The following IDH1 variants were observed in gnomAD, a reference collection of about 807,000 sequenced individuals.
IDH1 encodes the protein isocitrate dehydrogenase [NADP] cytoplasmic.
IDH1 carries 33 observed loss-of-function variants against 46.1 expected under a neutral mutation model. That is an observed-to-expected ratio of 0.72 (90% CI 0.54 to 0.96). The LOEUF (loss-of-function observed/expected upper bound fraction) is 0.96, where lower values mean the gene tolerates loss of function less well. IDH1 is among the 40% of genes least tolerant of loss of function. The pLI, the probability that IDH1 is intolerant of heterozygous loss-of-function variation, is 0.00. For missense variants in IDH1, 421 were observed against 515.7 expected (o/e 0.82, Z 1.78); for synonymous variants, 144 against 172.8 (o/e 0.83, Z 1.31).
At chr2:208,251,706 T>TA in intron 2 of IDH1, 139 bp from the exon 3 acceptor site, 1 of 673,526 alleles carries the variant, frequency 1.5e-6, no homozygotes, top group South Asian at 1.8e-5. Context: ...TGTAGTTGAA[T>TA]AAAAAGCTAG....
chr2:208,248,034 G>A (rs2124861773), intron 4 of IDH1: 2 of 329,794 alleles, frequency 6.1e-6, no homozygotes, highest in South Asian at 6.4e-5. Flanking sequence ...TGTGCAGCCA[G>A]TGTTGAAAAC....
chr2:208,244,653 G>A (rs1422037621), intron 5 of IDH1, among the ~76,000 whole-genome samples: 1 of 152,212 alleles, frequency 6.6e-6, no homozygotes, highest in Non-Finnish European at 1.5e-5. Flanking sequence ...AGGTGCTGAA[G>A]CCTGCAGAAC....
Position 208,236,439 on chromosome 2 carries a change from G to C in IDH1, c.*640C>G, listed in dbSNP as rs16841606. On this transcript the variant is annotated 3_prime_UTR_variant, in exon 10 of 10. Coordinates refer to ENST00000345146, the MANE Select transcript of IDH1 (RefSeq NM_005896.4). ...TCAGGCCAGGCCAGGAGGAGAAAGAGAAAAATGGAGAGGACAAACCTCCAG... is the reference window on the plus strand; with the variant it reads ...TCAGGCCAGGCCAGGAGGAGAAAGACAAAAATGGAGAGGACAAACCTCCAG... The C allele has an allele frequency of 2.2e-3, 522 of 232,146 alleles. 3 individuals are homozygous for C. The highest frequency in any genetic ancestry group is 0.01 in the African/African-American group (470 of 45,362). The allele number at this position is 232,146 out of a possible 1,614,324, so 14.4% of individuals were successfully genotyped here. A position where few individuals can be genotyped will look rare whatever the true frequency, so the allele number is the denominator to read the frequency against.
intron 5 of IDH1, among the ~76,000 whole-genome samples, chr2:208,244,266 G>A (rs964668002): frequency 1.3e-5 from 2 of 152,212 alleles, no homozygotes; most frequent in Non-Finnish European, 2.9e-5. Context: ...GTTGGAGCCA[G>A]GCTTGTACAG....
At chr2:208,239,725 C>A in intron 8 of IDH1, 138 bp downstream of exon 8, 1 of 831,426 alleles carries the variant, frequency 1.2e-6, no homozygotes, top group South Asian at 1.4e-5. Context: ...GAAGCATATT[C>A]AAATAGATCT....
chr2:208,241,803 C>T (rs561052706), intron 7 of IDH1, among the ~76,000 whole-genome samples, 191 bp downstream of exon 7: 21 of 152,334 alleles, frequency 1.4e-4, no homozygotes, highest in Admixed American at 1.3e-3. Context: ...CACTAATTTA[C>T]TTCCCATGTG....
At chr2:208,245,772 G>A (rs1244013017) in intron 4 of IDH1, among the ~76,000 whole-genome samples, 1 of 118,224 alleles carries the variant, frequency 8.5e-6, no homozygotes, top group African/African-American at 3.2e-5. Context: ...CCAAAAGAGG[G>A]TATTAGACCC....
In IDH1 at chr2:208,243,578, A is replaced by G. The variant is rs757031960; in HGVS notation, c.547T>C (p.Tyr183His). The G allele has an allele frequency of 6.2e-7, 1 of 1,613,962 alleles. No individual in the cohort carries two copies. The highest frequency in any genetic ancestry group is 8.5e-7 in the Non-Finnish European group (1 of 1,179,850). ...TCTTCAATTGACTTATCTTGATTAT[A>G]CATCCCCATGGCAACACCACCACCT... ...EEGGGVAMGM[Y>H]NQDKSIEDFA... Residue 183 changes from tyrosine to histidine, a missense_variant, in exon 6 of 10, where the codon TAT becomes CAT. Transcript: ENST00000345146.
chr2:208,247,563 G>A (rs936071294), intron 4 of IDH1: 2 of 152,338 alleles, frequency 1.3e-5, no homozygotes, highest in African/African-American at 4.8e-5. Context: ...AGCCTTCCAA[G>A]TAGCTGGGAC....
At position 208,248,376 on chromosome 2, in the gene IDH1, C is replaced by T. The variant is rs2124862563; in HGVS notation, c.407G>A (p.Gly136Glu). Residue 136 changes from glycine (G) to glutamate (E), a missense_variant, in exon 4 of 10, where the codon GGG becomes GAG. Transcript: ENST00000345146. ...KPIIIGRHAY[G>E]DQYRATDFVV... Reference sequence around the variant, plus strand: ...ATTGCCAACATGACTTACTTGATCCCCATAAGCATGACGACCTATGATGAT... The same window carrying T: ...ATTGCCAACATGACTTACTTGATCCTCATAAGCATGACGACCTATGATGAT... 1 of 1,613,516 alleles carries T rather than the reference C, an allele frequency of 6.2e-7. No individual in the cohort carries two copies. The highest frequency in any genetic ancestry group is 8.5e-7 in the Non-Finnish European group (1 of 1,179,818).
At position 208,236,664 on chromosome 2, in the gene IDH1, C is replaced by T; in HGVS notation, c.*415G>A. On this transcript the variant is annotated 3_prime_UTR_variant, in exon 10 of 10. Coordinates refer to ENST00000345146, the MANE Select transcript of IDH1 (RefSeq NM_005896.4). Reference sequence around the variant, plus strand: ...CGGGATATCTATGACACCAGAACTTCCCTGTGCCCAAGGTCATGGACAGGA... The same window carrying T: ...CGGGATATCTATGACACCAGAACTTTCCTGTGCCCAAGGTCATGGACAGGA... 1 of 272,356 alleles carries T rather than the reference C, an allele frequency of 3.7e-6. No individual in the cohort carries two copies. Among genetic ancestry groups the T allele is most frequent in the Non-Finnish European group, 7.1e-6 (1 of 141,808 alleles). The allele number at this position is 272,356 out of a possible 1,614,324, so 16.9% of individuals were successfully genotyped here. A position where few individuals can be genotyped will look rare whatever the true frequency, so the allele number is the denominator to read the frequency against.
At chr2:208,240,416 A>G (rs1338368078) in intron 7 of IDH1, 3 of 160,974 alleles carry the variant, frequency 1.9e-5, no homozygotes, top group Non-Finnish European at 4.1e-5. Flanking sequence ...ATGAATATAT[A>G]TTTATATTCC....
chr2:208,250,020 C>T (rs1038185648), intron 3 of IDH1, among the ~76,000 whole-genome samples: 66 of 152,136 alleles, frequency 4.3e-4, no homozygotes, highest in Admixed American at 5.9e-4. Context: ...GTCCAGCCTA[C>T]ATAAAACAAA....
At chr2:208,247,126 G>A (rs916885041) in intron 4 of IDH1, among the ~76,000 whole-genome samples, 1 of 152,098 alleles carries the variant, frequency 6.6e-6, no homozygotes, top group Non-Finnish European at 1.5e-5. Flanking sequence ...GCCACAGAGT[G>A]GAACAAAGTT....
rs111233394 is a variant in IDH1 at position 208,251,410 on chromosome 2, C to T, written c.122+20G>A. 0.012 allele frequency: 20,007 copies of T among 1,611,456 alleles called. 181 individuals carry two copies. Among genetic ancestry groups the T allele is most frequent in the African/African-American group, 0.037 (2,736 of 74,860 alleles). ...GATTATCCTTTCTGAGTTTGCTACA[C>T]GGAGGGGTAACTCATTTACCTATGT... On this transcript the variant is annotated intron_variant, in intron 3 of 9. Transcript: ENST00000345146.
At chr2:208,249,078 A>C (rs575296267) in intron 3 of IDH1, among the ~76,000 whole-genome samples, 1 of 152,338 alleles carries the variant, frequency 6.6e-6, no homozygotes, top group Non-Finnish European at 1.5e-5. Flanking sequence ...GGAGGGGTTA[A>C]AGGATTTTTT....
At chr2:208,250,706 C>T (rs1156556248) in intron 3 of IDH1, among the ~76,000 whole-genome samples, 1 of 152,146 alleles carries the variant, frequency 6.6e-6, no homozygotes, top group East Asian at 1.9e-4. Context: ...CATCTGTCCC[C>T]AGGCACTTTA....
At chr2:208,237,678 T>TG (rs1314443506) in intron 9 of IDH1, among the ~76,000 whole-genome samples, 7 of 148,718 alleles carry the variant, frequency 4.7e-5, no homozygotes, top group Non-Finnish European at 8.9e-5. Flanking sequence ...CCCAGCACTT[T>TG]GGGGGGCCAA....
chr2:208,249,454 A>T (rs1414004921), intron 3 of IDH1, among the ~76,000 whole-genome samples: 2 of 152,220 alleles, frequency 1.3e-5, no homozygotes, highest in African/African-American at 4.8e-5. Flanking sequence ...TACATACCAG[A>T]GAGTAATAGC....
Sources: gnomAD v4.1 joint callset for allele counts (sites outside exome capture counted in the v4.1 genomes callset) on GRCh38, gnomAD v4.1.1 for gene constraint, MANE v1.5 for transcripts, NCBI Gene and HGNC (gene_info 2026-07-23, HGNC 2026-07-21) for gene names.